MUSK: variants seen among roughly 807,000 people sequenced by gnomAD.
MUSK encodes the protein muscle, skeletal receptor tyrosine-protein kinase.
In MUSK, 55 loss-of-function variants were observed where a neutral mutation model predicts 88.7. The ratio of observed to expected loss-of-function variants is 0.62; its 90% CI spans 0.50 to 0.78. The LOEUF is 0.78. MUSK is among the 30% of genes least tolerant of loss of function. MUSK has a pLI of 0.00. For missense variants in MUSK, 1,015 were observed against 1,074.3 expected (o/e 0.94, Z 0.77); for synonymous variants, 387 against 391.9 (o/e 0.99, Z 0.15).
chr9:110,672,539 G>A (rs927218872), intron 1 of MUSK, among the ~76,000 whole-genome samples: 1 of 152,134 alleles, frequency 6.6e-6, no homozygotes, highest in Non-Finnish European at 1.5e-5. Context: ...AAAGGAGTTG[G>A]AGTTATATGG....
At chr9:110,674,881 G>T (rs1035260316) in intron 1 of MUSK, among the ~76,000 whole-genome samples, 2 of 152,046 alleles carry the variant, frequency 1.3e-5, no homozygotes, top group African/African-American at 2.4e-5. Flanking sequence ...AAAGTGCTGG[G>T]ATTACAGACA....
At chr9:110,713,619 A>G (rs772341188) in intron 5 of MUSK, among the ~76,000 whole-genome samples, 5 of 152,130 alleles carry the variant, frequency 3.3e-5, no homozygotes, top group Admixed American at 6.6e-5. Flanking sequence ...GTGGGAACCT[A>G]TGGTTTGGAG....
chr9:110,755,981 T>TATATAC (rs2077316687), intron 7 of MUSK, among the ~76,000 whole-genome samples: 6 of 108,112 alleles, frequency 5.5e-5, no homozygotes, highest in Middle Eastern at 5.6e-3. Flanking sequence ...TATATATACA[T>TATATAC]ATATATATAT....
chr9:110,682,620 G>C, intron 1 of MUSK, 54 bp from the exon 2 acceptor site: 1 of 1,589,826 alleles, frequency 6.3e-7, no homozygotes, highest in Non-Finnish European at 8.6e-7. Flanking sequence ...CTTAAGGAAG[G>C]GTTAGTAAAC....
chr9:110,709,227 T>C (rs888073039), intron 5 of MUSK, among the ~76,000 whole-genome samples: 11 of 152,232 alleles, frequency 7.2e-5, no homozygotes, highest in African/African-American at 2.2e-4. Flanking sequence ...TCTTCAGATA[T>C]CAAATACATG....
intron 6 of MUSK, among the ~76,000 whole-genome samples, chr9:110,740,176 G>A (rs7870874): frequency 0.6 from 90,664 of 151,940 alleles, 27,431 homozygotes; most frequent in Middle Eastern, 0.72. Context: ...ACTATTTCAT[G>A]TCTTCATGAC....
intron 5 of MUSK, among the ~76,000 whole-genome samples, chr9:110,700,051 A>G (rs1357371311): frequency 2.0e-5 from 3 of 152,162 alleles, no homozygotes; most frequent in Non-Finnish European, 4.4e-5. Context: ...CTGCAATGGA[A>G]ATGTAAAGGT....
intron 3 of MUSK, among the ~76,000 whole-genome samples, chr9:110,694,493 C>A (rs1429412931): frequency 6.6e-6 from 1 of 151,580 alleles, no homozygotes; most frequent in East Asian, 1.9e-4. Context: ...CTCTCCCTCA[C>A]ATTGAAGTAG....
At position 110,762,736 on chromosome 9, in the gene MUSK, C is replaced by CT. The variant is rs1168743758; in HGVS notation, c.920+530dup. Among the ~76,000 whole-genome samples the CT allele has an allele frequency of 3.9e-5, 6 of 152,284 alleles. No homozygotes were observed. In the East Asian group the frequency reaches 1.2e-3, roughly 29 times the overall value. ...TCCCTTGCAATATAACCTTTTGCAA[C>CT]TTACAGTGTTTTATTTGCAGTACTT... On this transcript the variant is annotated intron_variant, in intron 8 of 14. Transcript: ENST00000374448.
intron 11 of MUSK, among the ~76,000 whole-genome samples, chr9:110,781,154 T>C (rs1462371633): frequency 3.9e-5 from 6 of 152,206 alleles, no homozygotes; most frequent in Admixed American, 3.9e-4. Flanking sequence ...TTAGTTCAGA[T>C]CTTGGTATAT....
chr9:110,711,635 A>G (rs2076672468), intron 5 of MUSK, among the ~76,000 whole-genome samples: 1 of 152,170 alleles, frequency 6.6e-6, no homozygotes, highest in African/African-American at 2.4e-5. Context: ...GACCAAGCTG[A>G]GATTTCTTAT....
intron 3 of MUSK, among the ~76,000 whole-genome samples, chr9:110,690,137 T>TATAAATATATATTTA (rs1338202417): frequency 0.13 from 13,245 of 101,490 alleles, 1,563 homozygotes; most frequent in Middle Eastern, 0.22. Flanking sequence ...AGTATAAATA[T>TATAAATATATATTTA]AGAAATATAT....
intron 5 of MUSK, among the ~76,000 whole-genome samples, chr9:110,723,654 C>T (rs1200789616): frequency 2.0e-5 from 3 of 152,084 alleles, no homozygotes; most frequent in African/African-American, 7.2e-5. Context: ...TCTTCAAGTA[C>T]TTCTGAAAAA....
Position 110,776,659 on chromosome 9 carries a change from AGTAATT to A in MUSK, c.1384+7_1384+12del. ...TATAACAAAGAAAACCTAAAAAGTA[AGTAATT>A]GTGTTTGTGCCCTTGAAACCTTATG... On this transcript the variant is annotated splice_donor_5th_base_variant and intron_variant, in intron 11 of 14. Coordinates refer to ENST00000374448, the MANE Select transcript of MUSK (RefSeq NM_005592.4). 6.3e-7 allele frequency: 1 copy of A among 1,596,348 alleles called. No homozygotes were observed. Among genetic ancestry groups the A allele is most frequent in the Non-Finnish European group, 8.6e-7 (1 of 1,167,814 alleles).
rs891087092 is a variant in MUSK at position 110,782,084 on chromosome 9, A to G, written c.1385-2731A>G. On this transcript the variant is annotated intron_variant, in intron 11 of 14. Transcript: ENST00000374448. ...TTCTCCATTTATTCACTTGTGTCTCATGACAAGCAAAGACTTCTCATGTTC... is the reference window on the plus strand; with the variant it reads ...TTCTCCATTTATTCACTTGTGTCTCGTGACAAGCAAAGACTTCTCATGTTC... 1.2e-4 allele frequency among the ~76,000 whole-genome samples: 18 copies of G among 152,318 alleles called. 1 individual carries two copies. Among genetic ancestry groups the G allele is most frequent in the South Asian group, 8.3e-4 (4 of 4,828 alleles).
At chr9:110,724,951 A>C (rs925576291) in intron 5 of MUSK, among the ~76,000 whole-genome samples, 1 of 152,064 alleles carries the variant, frequency 6.6e-6, no homozygotes, top group Admixed American at 6.6e-5. Context: ...ATCCATCTAG[A>C]AAACACAAGA....
chr9:110,731,595 A>T (rs1173190502), intron 5 of MUSK, among the ~76,000 whole-genome samples: 1 of 151,962 alleles, frequency 6.6e-6, no homozygotes, highest in Admixed American at 6.6e-5. Context: ...AACCTAATCC[A>T]CTGCACTTAA....
intron 7 of MUSK, among the ~76,000 whole-genome samples, chr9:110,758,242 G>T (rs1248362457): frequency 1.3e-5 from 2 of 152,162 alleles, no homozygotes; most frequent in East Asian, 3.8e-4. Flanking sequence ...GGAATTACAG[G>T]CATGAGCCAC....
At chr9:110,694,529 C>T (rs1345482750) in intron 3 of MUSK, among the ~76,000 whole-genome samples, 6 of 152,022 alleles carry the variant, frequency 3.9e-5, no homozygotes, top group East Asian at 1.9e-4. Flanking sequence ...ATATTTCATG[C>T]GTTCCTTTGT....
Sources: allele counts gnomAD v4.1 joint callset (sites outside exome capture counted in the v4.1 genomes callset), GRCh38; gene constraint gnomAD v4.1.1; transcripts MANE v1.5; gene names NCBI Gene and HGNC (gene_info 2026-07-23, HGNC 2026-07-21).